BRF1: variants seen among roughly 807,000 people sequenced by gnomAD.
BRF1 encodes the protein transcription factor IIIB 90 kDa subunit.
BRF1 carries 59 observed loss-of-function variants against 81.7 expected under a neutral mutation model. The ratio of observed to expected loss-of-function variants is 0.72; its 90% CI spans 0.59 to 0.90. The LOEUF (loss-of-function observed/expected upper bound fraction) is 0.90. Among genes scored for constraint, BRF1 ranks in the 40% least tolerant of loss-of-function variants. The pLI, the probability that BRF1 is intolerant of heterozygous loss-of-function variation, is 0.00. For missense variants in BRF1, 1,050 were observed against 936.3 expected (o/e 1.12, Z -1.58); for synonymous variants, 491 against 395.6 (o/e 1.24, Z -2.86).
At chr14:105,288,850 G>C (rs1196598573) in intron 1 of BRF1, among the ~76,000 whole-genome samples, 1 of 151,412 alleles carries the variant, frequency 6.6e-6, no homozygotes, top group Non-Finnish European at 1.5e-5. Flanking sequence ...AGCCAGGATG[G>C]GGGGAGACCC....
At chr14:105,260,066 C>T (rs1028539140) in intron 3 of BRF1, among the ~76,000 whole-genome samples, 3 of 152,172 alleles carry the variant, frequency 2.0e-5, no homozygotes, top group Admixed American at 6.5e-5. Flanking sequence ...TGAGGTCTGT[C>T]CACAGAGCCC....
intron 3 of BRF1, among the ~76,000 whole-genome samples, chr14:105,265,103 G>A (rs1036348308): frequency 1.3e-4 from 18 of 141,450 alleles, no homozygotes; most frequent in African/African-American, 7.9e-5. Context: ...TCACTCTGTC[G>A]CCCAGGCTGG....
At position 105,209,670 on chromosome 14, in the gene BRF1, T is replaced by C. The variant is rs1275589038; in HGVS notation, c.*881A>G. 4.5e-6 allele frequency: 3 copies of C among 669,024 alleles called. No homozygotes were observed. The highest frequency in any genetic ancestry group is 8.2e-6 in the Non-Finnish European group (3 of 367,030). The allele number at this position is 669,024 out of a possible 1,614,324, so 41.4% of individuals were successfully genotyped here. On this transcript the variant is annotated 3_prime_UTR_variant, in exon 18 of 18. Transcript: ENST00000547530. The stretch of plus-strand genomic sequence containing the variant: ...TCCTCGATGGGGGGCCTGATCCAGC[T>C]CTGACAGGGAGCGCCACTGCCCTCT...
At chr14:105,256,817 G>A (rs915046330) in intron 3 of BRF1, among the ~76,000 whole-genome samples, 1 of 152,196 alleles carries the variant, frequency 6.6e-6, no homozygotes, top group Non-Finnish European at 1.5e-5. Context: ...CTGGAGCCGG[G>A]TCGGGGGAAC....
chr14:105,224,687 A>G (rs1472867309), intron 10 of BRF1, among the ~76,000 whole-genome samples: 1 of 152,170 alleles, frequency 6.6e-6, no homozygotes, highest in Non-Finnish European at 1.5e-5. Flanking sequence ...AGCTGGGACT[A>G]CAGGTGCACA....
At chr14:105,229,211 G>C (rs756468658) in intron 6 of BRF1, among the ~76,000 whole-genome samples, 5 of 152,240 alleles carry the variant, frequency 3.3e-5, no homozygotes, top group Non-Finnish European at 7.3e-5. Flanking sequence ...TAAGATGACT[G>C]TGCGGGAAAC....
Position 105,210,532 on chromosome 14 carries a change from C to A in BRF1, c.*19G>T. On this transcript the variant is annotated 3_prime_UTR_variant, in exon 18 of 18. Coordinates refer to ENST00000547530, the MANE Select transcript of BRF1 (RefSeq NM_001519.4). This position sits in a 1 kb window ranked among gnomAD's most constrained non-coding sequence, Gnocchi z 4.7. ...CGCGAGGCCCCCTGCCAGGACATCA[C>A]CTGCCTGGAGGCCACACTTCAGTAG... The A allele has an allele frequency of 1.2e-6, 2 of 1,610,322 alleles. No individual in the cohort carries two copies. The highest frequency in any genetic ancestry group is 1.7e-6 in the Non-Finnish European group (2 of 1,179,816).
In BRF1 at chr14:105,315,295, A is replaced by G. The variant is rs1326945234; in HGVS notation, c.-162+27T>C. 1 of 156,896 alleles carries G rather than the reference A, an allele frequency of 6.4e-6. No individual in the cohort carries two copies. Among genetic ancestry groups the G allele is most frequent in the Non-Finnish European group, 1.4e-5 (1 of 71,628 alleles). 9.7% of individuals were successfully genotyped at this position (156,896 alleles called of 1,614,324 possible). A position where few individuals can be genotyped will look rare whatever the true frequency, so the allele number is the denominator to read the frequency against. Reference sequence around the variant, plus strand: ...CCCGGTGCTGCTCAGACCCGGCGGGACCTTGGGGCTCCCGGGCGGCGCTCA... The same window carrying G: ...CCCGGTGCTGCTCAGACCCGGCGGGGCCTTGGGGCTCCCGGGCGGCGCTCA... On this transcript the variant is annotated intron_variant, in intron 1 of 17. Transcript: ENST00000327359. This position sits in a 1 kb window ranked among gnomAD's most constrained non-coding sequence, Gnocchi z 4.4.
At chr14:105,286,270 T>G in intron 2 of BRF1, 26 bp downstream of exon 2, 1 of 1,604,806 alleles carries the variant, frequency 6.2e-7, no homozygotes, top group Non-Finnish European at 8.5e-7. Flanking sequence ...CGCCGCACGC[T>G]CAGCAGCATC....
upstream of BRF1, among the ~76,000 whole-genome samples, chr14:105,304,802 A>T (rs1053177773): frequency 1.3e-5 from 2 of 152,220 alleles, no homozygotes; most frequent in Non-Finnish European, 2.9e-5. Context: ...GGAGAGAGAG[A>T]GCTTCTGCAG....
rs149226803 is a variant in BRF1 at position 105,220,328 on chromosome 14, C to CGAA, written c.1316-201_1316-199dup. The stretch of plus-strand genomic sequence containing the variant: ...TAAATGCCTAGCTCAGGACACTAAG[C>CGAA]GAAGCCAGCAGAACACTGAACTGAA... On this transcript the variant is annotated intron_variant, in intron 11 of 17. Coordinates refer to ENST00000547530, the MANE Select transcript of BRF1 (RefSeq NM_001519.4). Among the ~76,000 whole-genome samples, 1,259 of 152,338 alleles carry CGAA rather than the reference C, an allele frequency of 8.3e-3. 15 individuals are homozygous for CGAA. Among genetic ancestry groups the CGAA allele is most frequent in the African/African-American group, 0.029 (1,192 of 41,580 alleles).
Position 105,241,337 on chromosome 14 carries a change from G to T in BRF1, c.622C>A (p.Leu208Met). The change falls in exon 6 of 18, where the codon CTG becomes ATG. Residue 208 changes from leucine (L) to methionine (M), a missense_variant. This residue lies in a region of BRF1 where 1,043 missense variants were observed against 915.4 expected (regional missense o/e 1.14). Coordinates refer to ENST00000547530, the MANE Select transcript of BRF1 (RefSeq NM_001519.4). ...CGCTTCATCCTCTGTAGGAGCCTCA[G>T]GGCAGTCATGGACACCTCGTGGTTC... ...EKNHEVSMTA[L>M]RLLQRMKRDW... 4 of 1,612,780 alleles carry T rather than the reference G, an allele frequency of 2.5e-6. No individual in the cohort carries two copies. Among genetic ancestry groups the T allele is most frequent in the Non-Finnish European group, 3.4e-6 (4 of 1,179,942 alleles).
At chr14:105,253,911 C>T (rs950139973) in intron 4 of BRF1, among the ~76,000 whole-genome samples, 3 of 152,210 alleles carry the variant, frequency 2.0e-5, no homozygotes, top group African/African-American at 4.8e-5. Context: ...TGTGTGCATC[C>T]GCATGCAGTG....
In BRF1 at chr14:105,313,457, C is replaced by T. The variant is rs150703123; in HGVS notation, c.-162+1865G>A. On this transcript the variant is annotated intron_variant, in intron 1 of 17. Transcript: ENST00000327359. ...TGTACCACCTTAGAGGAGCCAGGGG[C>T]GCGTGGGAAACACAGAGTCCCTTGT... 2.0e-3 allele frequency among the ~76,000 whole-genome samples: 299 copies of T among 152,324 alleles called. 2 individuals are homozygous for T. The highest frequency in any genetic ancestry group is 3.1e-3 in the Non-Finnish European group (210 of 68,026).
chr14:105,248,973 CCCAGCGCCCCCGCG>C, intron 5 of BRF1: 2 of 982,912 alleles, frequency 2.0e-6, no homozygotes, highest in Non-Finnish European at 2.4e-6. Context: ...GCGCAGCCCG[CCCAGCGCCCCCGCG>C]CCAGCGCCGC....
At position 105,249,987 on chromosome 14, in the gene BRF1, C is replaced by T. The variant is rs763270439; in HGVS notation, c.544+2520G>A. 10 of 1,612,494 alleles carry T rather than the reference C, an allele frequency of 6.2e-6. No individual in the cohort carries two copies. In the East Asian group the frequency reaches 8.9e-5, roughly 14 times the overall value. On this transcript the variant is annotated intron_variant, in intron 5 of 17. Transcript: ENST00000547530. The stretch of plus-strand genomic sequence containing the variant: ...GAGGCCGTCCTGAACTGGGCCGAGG[C>T]GGAGTGCAAGAGGCAGGGGCTGCCA...
At position 105,269,621 on chromosome 14, in the gene BRF1, C is replaced by G. The variant is rs111417905; in HGVS notation, c.439+3100G>C. On this transcript the variant is annotated intron_variant, in intron 3 of 17. Transcript: ENST00000547530. The surrounding 1 kb of genome is among the most constrained non-coding windows in gnomAD (Gnocchi z 5.0). ...TTGGGCACACACTTAGTAGGAGGAT[C>G]GCTGGAGCGTGTGGGAACTTTGTGG... is the stretch of plus-strand genomic sequence containing the variant. 3.3e-5 allele frequency among the ~76,000 whole-genome samples: 5 copies of G among 152,202 alleles called. No homozygotes were observed. Among genetic ancestry groups the G allele is most frequent in the Middle Eastern group, 6.8e-3 (2 of 294 alleles).
At chr14:105,285,700 T>C (rs1304512001) in intron 2 of BRF1, among the ~76,000 whole-genome samples, 3 of 152,124 alleles carry the variant, frequency 2.0e-5, no homozygotes, top group African/African-American at 7.2e-5. Flanking sequence ...CTCCAAAGGA[T>C]ACCAGCGAAA....
chr14:105,252,217 G>A lies in BRF1; in HGVS notation c.544+290C>T, dbSNP rs1261173381. 2.0e-5 allele frequency among the ~76,000 whole-genome samples: 3 copies of A among 152,216 alleles called. 1 individual carries two copies. Among genetic ancestry groups the A allele is most frequent in the South Asian group, 4.1e-4 (2 of 4,830 alleles). ...CCAGGCCAGGTGCGGTCTCATGCCT[G>A]TAATCCCAGTGCTTTGGGAGGCGAA... On this transcript the variant is annotated intron_variant, in intron 5 of 17. Coordinates refer to ENST00000547530, the MANE Select transcript of BRF1 (RefSeq NM_001519.4).
Sources: gnomAD v4.1 joint callset for allele counts (sites outside exome capture counted in the v4.1 genomes callset) on GRCh38, gnomAD v4.1.1 for gene constraint, gnomAD v4.1.1 regional missense constraint, Gnocchi (gnomAD v3.1) non-coding constraint, MANE v1.5 for transcripts, NCBI Gene and HGNC (gene_info 2026-07-23, HGNC 2026-07-21) for gene names.